The following ATP10A variants were observed in gnomAD, a reference collection of about 807,000 sequenced individuals.
The protein encoded by ATP10A is ATPase phospholipid transporting 10A (putative).
A neutral mutation model predicts 147.8 loss-of-function variants in ATP10A; 111 were observed. The observed-to-expected ratio is 0.75, with a 90% CI of 0.64 to 0.88. The LOEUF (loss-of-function observed/expected upper bound fraction) is 0.88, where lower values mean the gene tolerates loss of function less well. ATP10A is among the 40% of genes least tolerant of loss of function. The pLI, the probability that ATP10A is intolerant of heterozygous loss-of-function variation, is 0.00. For synonymous variants in ATP10A, 875 were observed against 841.6 expected (o/e 1.04, Z -0.69); for missense variants, 1,927 against 1,959.0 (o/e 0.98, Z 0.31).
At chr15:25,799,095 G>A (rs1471924221) in intron 1 of ATP10A, among the ~76,000 whole-genome samples, 2 of 152,226 alleles carry the variant, frequency 1.3e-5, no homozygotes, top group East Asian at 3.9e-4. Context: ...GGCATCACTA[G>A]TCATCGATGA....
chr15:25,697,147 C>T (rs149288980), intron 13 of ATP10A, among the ~76,000 whole-genome samples: 1 of 152,180 alleles, frequency 6.6e-6, no homozygotes, highest in Non-Finnish European at 1.5e-5. Context: ...CTGGGCTCAC[C>T]CATAACAAAG....
intron 2 of ATP10A, among the ~76,000 whole-genome samples, chr15:25,762,178 C>T (rs1438573746): frequency 1.3e-5 from 2 of 152,168 alleles, no homozygotes; most frequent in Non-Finnish European, 1.5e-5. Flanking sequence ...TAAAGAATGA[C>T]ATGTTTACTT....
chr15:25,785,669 C>T (rs916979035), intron 1 of ATP10A, among the ~76,000 whole-genome samples: 4 of 152,174 alleles, frequency 2.6e-5, no homozygotes, highest in African/African-American at 9.7e-5. Context: ...AGAAATCGAG[C>T]CCACTGGCAC....
In ATP10A at chr15:25,717,651, A is replaced by G. The variant is rs181560191; in HGVS notation, c.1581+531T>C. ...AAGCACATGAGAGAATGAGGCCACC[A>G]CAGAGTAAGCAAGGGGGATTCATCC... is the stretch of plus-strand genomic sequence containing the variant. On this transcript the variant is annotated intron_variant, in intron 8 of 20. Coordinates refer to ENST00000555815, the MANE Select transcript of ATP10A (RefSeq NM_024490.4). Among the ~76,000 whole-genome samples, 46 of 152,334 alleles carry G rather than the reference A, an allele frequency of 3.0e-4. No individual in the cohort carries two copies. The East Asian group carries it at 7.7e-3, about 26-fold the overall frequency.
intron 1 of ATP10A, among the ~76,000 whole-genome samples, chr15:25,834,416 T>C (rs757339554): frequency 6.6e-6 from 1 of 152,242 alleles, no homozygotes; most frequent in Non-Finnish European, 1.5e-5. Context: ...TTAACATCAG[T>C]AGCCATCTGG....
chr15:25,796,905 A>C (rs957402931), intron 1 of ATP10A, among the ~76,000 whole-genome samples: 13 of 152,238 alleles, frequency 8.5e-5, no homozygotes, highest in Non-Finnish European at 1.8e-4. Context: ...ATGAGGCACA[A>C]TGTCATGTTT....
intron 1 of ATP10A, among the ~76,000 whole-genome samples, chr15:25,792,676 G>A (rs965117049): frequency 6.6e-6 from 1 of 152,114 alleles, no homozygotes; most frequent in East Asian, 1.9e-4. Context: ...CTTAGAGCAC[G>A]AAGCACGCAC....
chr15:25,730,711 T>A (rs981749005), intron 3 of ATP10A, among the ~76,000 whole-genome samples: 2 of 152,168 alleles, frequency 1.3e-5, no homozygotes, highest in African/African-American at 4.8e-5. Context: ...TTCCTTCCAT[T>A]GGCAAATCCT....
chr15:25,737,095 G>A (rs796485637), intron 2 of ATP10A, among the ~76,000 whole-genome samples: 10 of 152,306 alleles, frequency 6.6e-5, no homozygotes, highest in Non-Finnish European at 1.2e-4. Context: ...TAAAAGGGGC[G>A]TGTGCTAGAT....
intron 1 of ATP10A, among the ~76,000 whole-genome samples, chr15:25,839,618 C>T (rs1215955614): frequency 2.0e-5 from 3 of 152,210 alleles, no homozygotes; most frequent in Admixed American, 2.0e-4. Context: ...ACTGGGCACT[C>T]CGTTGGCAGG....
chr15:25,771,443 C>A (rs1889330209), intron 2 of ATP10A, among the ~76,000 whole-genome samples: 1 of 152,152 alleles, frequency 6.6e-6, no homozygotes, highest in Non-Finnish European at 1.5e-5. Flanking sequence ...GGTCTGCGAT[C>A]TAAGTCTAGC....
intron 1 of ATP10A, among the ~76,000 whole-genome samples, chr15:25,807,018 G>A (rs1304768848): frequency 6.6e-6 from 1 of 152,182 alleles, no homozygotes; most frequent in African/African-American, 2.4e-5. Flanking sequence ...TCAAACGGAG[G>A]GGCATCCACC....
In ATP10A at chr15:25,679,331, T is replaced by C; in HGVS notation, c.*10A>G. 1 of 1,420,772 alleles carries C rather than the reference T, an allele frequency of 7.0e-7. No individual in the cohort carries two copies. Among genetic ancestry groups the C allele is most frequent in the African/African-American group, 1.4e-5 (1 of 69,324 alleles). The allele number at this position is 1,420,772 out of a possible 1,614,324, so 88.0% of individuals were successfully genotyped here. A position where few individuals can be genotyped will look rare whatever the true frequency, so the allele number is the denominator to read the frequency against. ...ATTTATATATATTAAAAAAGGCCAT[T>C]TCAAGGTTTTCACTGTGACCGCCTT... On this transcript the variant is annotated 3_prime_UTR_variant, in exon 21 of 21. Transcript: ENST00000555815.
chr15:25,770,340 G>A (rs1388328335), intron 2 of ATP10A, among the ~76,000 whole-genome samples: 1 of 152,222 alleles, frequency 6.6e-6, no homozygotes, highest in African/African-American at 2.4e-5. Flanking sequence ...ATGGCCCTGA[G>A]GGGCTTCACG....
chr15:25,757,002 G>T (rs1035549620), intron 2 of ATP10A, among the ~76,000 whole-genome samples: 1 of 152,044 alleles, frequency 6.6e-6, no homozygotes, highest in East Asian at 1.9e-4. Flanking sequence ...ACATTCAAAC[G>T]GCCATAAACA....
At chr15:25,692,583 C>T (rs1303506989) in intron 14 of ATP10A, among the ~76,000 whole-genome samples, 1 of 152,104 alleles carries the variant, frequency 6.6e-6, no homozygotes, top group Non-Finnish European at 1.5e-5. Context: ...TTTTCCTGTT[C>T]TTTATAATGT....
chr15:25,848,845 G>A (rs776599997), intron 1 of ATP10A: 2 of 153,690 alleles, frequency 1.3e-5, no homozygotes, highest in African/African-American at 4.8e-5. Flanking sequence ...GGACCTAAGG[G>A]AGGGCAGTAG....
chr15:25,683,508 C>A (rs746284001), intron 16 of ATP10A, 22 bp from the exon 17 acceptor site: 1 of 1,596,906 alleles, frequency 6.3e-7, no homozygotes, highest in East Asian at 2.3e-5. Flanking sequence ...AAAGGAAGAA[C>A]AGGAACAGGC....
At chr15:25,712,891 G>A (rs940933408) in intron 10 of ATP10A, among the ~76,000 whole-genome samples, 1 of 152,174 alleles carries the variant, frequency 6.6e-6, no homozygotes, top group African/African-American at 2.4e-5. Flanking sequence ...CTGGGCTTCT[G>A]TGCCAGGGGT....
Sources: allele counts gnomAD v4.1 joint callset (sites outside exome capture counted in the v4.1 genomes callset), GRCh38; gene constraint gnomAD v4.1.1; transcripts MANE v1.5; gene names NCBI Gene and HGNC (gene_info 2026-07-23, HGNC 2026-07-21).